NDST1: variants seen among roughly 807,000 people sequenced by gnomAD.
NDST1 encodes N-deacetylase and N-sulfotransferase 1.
NDST1 carries 35 observed loss-of-function variants against 92.8 expected under a neutral mutation model. The observed-to-expected ratio is 0.38, with a 90% CI of 0.29 to 0.50. NDST1 has a LOEUF of 0.50. Ranked by LOEUF, NDST1 falls within the 20% of genes least tolerant of loss-of-function variation. NDST1 has a pLI of 0.94. For missense variants in NDST1, 822 were observed against 1,182.7 expected (o/e 0.69, Z 4.47); for synonymous variants, 493 against 500.3 (o/e 0.99, Z 0.19).
intron 4 of NDST1, among the ~76,000 whole-genome samples, chr5:150,533,909 C>T (rs1754862075): frequency 6.6e-6 from 1 of 151,522 alleles, no homozygotes; most frequent in Non-Finnish European, 1.5e-5. Flanking sequence ...ATGGCAAAAC[C>T]CCATCTCTAC....
Position 150,545,399 on chromosome 5 carries a change from G to A in NDST1, c.2058G>A (p.Ala686=), listed in dbSNP as rs369233191. 1.4e-5 allele frequency: 22 copies of A among 1,614,100 alleles called. No individual in the cohort carries two copies. Among genetic ancestry groups the A allele is most frequent in the African/African-American group, 6.7e-5 (5 of 74,930 alleles). The change falls in exon 11 of 15, where the codon GCG becomes GCA. Residue 686 remains alanine (A), a synonymous_variant. Transcript: ENST00000261797. ...KSANYFDSEV[A]PRRAAALLPK... ...CCAACTACTTTGATTCAGAAGTGGC[G>A]CCCCGGCGGGCAGCAGCCCTCTTGC...
chr5:150,534,086 A>G (rs1403799315), intron 4 of NDST1, among the ~76,000 whole-genome samples: 4 of 150,630 alleles, frequency 2.7e-5, no homozygotes, highest in Non-Finnish European at 4.4e-5. Flanking sequence ...CCATCTCAAA[A>G]CAAAAAGAAA....
intron 10 of NDST1, among the ~76,000 whole-genome samples, chr5:150,544,302 G>A (rs1378514249): frequency 6.6e-6 from 1 of 152,250 alleles, no homozygotes; most frequent in East Asian, 1.9e-4. Flanking sequence ...AGAGGAATAA[G>A]TCAGGTTTTG....
intron 2 of NDST1, among the ~76,000 whole-genome samples, chr5:150,524,076 A>G (rs565078423): frequency 1.3e-5 from 2 of 152,324 alleles, no homozygotes; most frequent in African/African-American, 4.8e-5. Flanking sequence ...CTGATGCTGG[A>G]TTCCCAGGGC....
At position 150,552,037 on chromosome 5, in the gene NDST1, C is replaced by T. The variant is rs572018942; in HGVS notation, c.2529+182C>T. 8 of 599,716 alleles carry T rather than the reference C, an allele frequency of 1.3e-5. No individual in the cohort carries two copies. In the South Asian group the frequency reaches 2.9e-4, roughly 22 times the overall value. 37.1% of individuals were successfully genotyped at this position (599,716 alleles called of 1,614,324 possible). ...GGACATGGTGGGTCAGACCTGATTTCGTCAAACAAGTGTTGGTTACCTTCT... is the reference window on the plus strand; with the variant it reads ...GGACATGGTGGGTCAGACCTGATTTTGTCAAACAAGTGTTGGTTACCTTCT... On this transcript the variant is annotated intron_variant, in intron 14 of 14. Coordinates refer to ENST00000261797, the MANE Select transcript of NDST1 (RefSeq NM_001543.5).
At chr5:150,550,675 G>A (rs1048014757) in intron 13 of NDST1, 2 of 152,312 alleles carry the variant, frequency 1.3e-5, no homozygotes, top group African/African-American at 4.8e-5. Flanking sequence ...AGAATATTCC[G>A]TCTTCACTGT....
At chr5:150,516,476 A>G (rs1411903270) in intron 1 of NDST1, among the ~76,000 whole-genome samples, 5 of 152,252 alleles carry the variant, frequency 3.3e-5, no homozygotes, top group Non-Finnish European at 4.4e-5. Flanking sequence ...TCCATTTTAC[A>G]TGCTAGGAAA....
Position 150,549,732 on chromosome 5 carries a change from A to C in NDST1, c.2371A>C (p.Met791Leu). The stretch of plus-strand genomic sequence containing the variant: ...CACAGAACCTGCCAAAGTGATGGAC[A>C]TGGTGCAGAAGTTCCTTGGGGTGAC... ...LRTEPAKVMDMVQKFLGVTNT... is the reference protein window; with the variant it reads ...LRTEPAKVMDLVQKFLGVTNT... The change falls in exon 13 of 15, where the codon ATG becomes CTG. Residue 791 changes from methionine to leucine, a missense_variant. Coordinates refer to ENST00000261797, the MANE Select transcript of NDST1 (RefSeq NM_001543.5). The C allele has an allele frequency of 3.7e-6, 6 of 1,614,152 alleles. No homozygotes were observed. Among genetic ancestry groups the C allele is most frequent in the Non-Finnish European group, 5.1e-6 (6 of 1,179,968 alleles).
At chr5:150,509,399 G>T (rs73272671) in intron 1 of NDST1, among the ~76,000 whole-genome samples, 2 of 152,178 alleles carry the variant, frequency 1.3e-5, no homozygotes, top group African/African-American at 4.8e-5. Context: ...ATGCCAGGCC[G>T]TGAGGCGAGG....
At chr5:150,499,972 T>C (rs769835881) in intron 1 of NDST1, among the ~76,000 whole-genome samples, 1 of 152,244 alleles carries the variant, frequency 6.6e-6, no homozygotes, top group Non-Finnish European at 1.5e-5. Context: ...TTTACTGGCC[T>C]GGGCTTCTTC....
In NDST1 at chr5:150,521,358, C is replaced by CCTACTACCTATATGG. The variant is rs1202890034; in HGVS notation, c.107_121dup (p.Tyr36_Gly40dup). On this transcript the variant is annotated inframe_insertion, in exon 2 of 15. Transcript: ENST00000261797. The surrounding 1 kb of genome is among the most constrained non-coding windows in gnomAD (Gnocchi z 5.9). ...TGCCTGTTCAGCGTTTTCATCTCGG[C>CCTACTACCTATATGG]CTACTACCTATATGGCTGGAAGCGA... 1 of 1,613,666 alleles carries CCTACTACCTATATGG rather than the reference C, an allele frequency of 6.2e-7. No individual in the cohort carries two copies. The highest frequency in any genetic ancestry group is 8.5e-7 in the Non-Finnish European group (1 of 1,179,934).
rs34675841 is a variant in NDST1 at position 150,514,560 on chromosome 5, CAAA to C, written c.-387-6288_-387-6286del. Among the ~76,000 whole-genome samples, 445 of 55,060 alleles carry C rather than the reference CAAA, an allele frequency of 8.1e-3. 2 individuals are homozygous for C. The highest frequency in any genetic ancestry group is 0.024 in the African/African-American group (424 of 18,016). The allele number at this position is 55,060 out of a possible 152,430, so 36.1% of individuals were successfully genotyped here. On this transcript the variant is annotated intron_variant, in intron 1 of 14. Coordinates refer to ENST00000261797, the MANE Select transcript of NDST1 (RefSeq NM_001543.5). Reference sequence around the variant, plus strand: ...TGGGTGACAGAGTGAGACTCCGTCTCAAAAAAAAAAAAAAAAAAAAAAGTGCTT... The same window carrying C: ...TGGGTGACAGAGTGAGACTCCGTCTCAAAAAAAAAAAAAAAAAAAGTGCTT...
At chr5:150,523,587 T>C (rs1267136643) in intron 2 of NDST1, among the ~76,000 whole-genome samples, 1 of 152,196 alleles carries the variant, frequency 6.6e-6, no homozygotes, top group Non-Finnish European at 1.5e-5. Flanking sequence ...CCAGAGGCCT[T>C]AGTCTTAACC....
Position 150,543,431 on chromosome 5 carries a change from G to A in NDST1, c.1970+460G>A, listed in dbSNP as rs147685013. 6.5e-3 allele frequency among the ~76,000 whole-genome samples: 986 copies of A among 152,346 alleles called. 14 individuals carry two copies. The highest frequency in any genetic ancestry group is 0.022 in the African/African-American group (915 of 41,586). On this transcript the variant is annotated intron_variant, in intron 10 of 14. Transcript: ENST00000261797. Reference sequence around the variant, plus strand: ...ATTAAGATTGCCACTTCCCACCAGAGCCTGCAGAGGTTACCTTTGTAGAGG... The same window carrying A: ...ATTAAGATTGCCACTTCCCACCAGAACCTGCAGAGGTTACCTTTGTAGAGG...
At chr5:150,547,593 T>TA (rs773508106) in intron 11 of NDST1, among the ~76,000 whole-genome samples, 2 of 152,246 alleles carry the variant, frequency 1.3e-5, no homozygotes, top group Non-Finnish European at 2.9e-5. Context: ...CAAGTGGTCT[T>TA]ACGTCCTTTC....
At chr5:150,546,754 C>T (rs1378455395) in intron 11 of NDST1, among the ~76,000 whole-genome samples, 2 of 152,276 alleles carry the variant, frequency 1.3e-5, no homozygotes. Context: ...CTCCTCTTTG[C>T]TCCCATGGAA....
chr5:150,517,870 T>G (rs1424496415), intron 1 of NDST1, among the ~76,000 whole-genome samples: 1 of 152,202 alleles, frequency 6.6e-6, no homozygotes, highest in Non-Finnish European at 1.5e-5. Context: ...TTCCATGGGA[T>G]TGGGTGGCCA....
intron 1 of NDST1, among the ~76,000 whole-genome samples, chr5:150,502,269 G>T (rs994301505): frequency 5.3e-5 from 8 of 152,158 alleles, no homozygotes; most frequent in Admixed American, 4.6e-4. Context: ...GGTGGGTGGG[G>T]ACGGCGGGGG....
intron 10 of NDST1, among the ~76,000 whole-genome samples, chr5:150,543,302 T>A (rs1176756480): frequency 6.6e-6 from 1 of 152,196 alleles, no homozygotes; most frequent in Non-Finnish European, 1.5e-5. Flanking sequence ...GAAATCCAAA[T>A]GTTCTGGCTC....
Sources: gnomAD v4.1 joint callset for allele counts (sites outside exome capture counted in the v4.1 genomes callset) on GRCh38, gnomAD v4.1.1 for gene constraint, Gnocchi (gnomAD v3.1) non-coding constraint, MANE v1.5 for transcripts, NCBI Gene and HGNC (gene_info 2026-07-23, HGNC 2026-07-21) for gene names.